The following GALK2 variants were observed in gnomAD, a reference collection of about 807,000 sequenced individuals.
GALK2 encodes galactokinase 2.
In GALK2, 36 loss-of-function variants were observed where a neutral mutation model predicts 52.4. The ratio of observed to expected loss-of-function variants is 0.69; its 90% CI spans 0.53 to 0.91. GALK2 has a LOEUF of 0.91. GALK2 is among the 40% of genes least tolerant of loss of function. The probability of loss-of-function intolerance (pLI) is 0.00; values close to 1 mark genes in which losing one functional copy is unlikely to be tolerated. For missense variants in GALK2, 579 were observed against 559.1 expected, an observed-to-expected ratio of 1.04 and a Z score of -0.36; for synonymous variants, 176 against 199.1, an observed-to-expected ratio of 0.88 and a Z score of 0.98.
intron 8 of GALK2, among the ~76,000 whole-genome samples, chr15:49,303,884 T>C (rs2035325870): frequency 6.6e-6 from 1 of 152,240 alleles, no homozygotes; most frequent in Non-Finnish European, 1.5e-5. Context: ...ATTTCTAAAC[T>C]TGTAAATATA....
intron 5 of GALK2, among the ~76,000 whole-genome samples, chr15:49,240,650 G>A (rs2091049801): frequency 1.3e-5 from 2 of 152,132 alleles, no homozygotes; most frequent in Admixed American, 1.3e-4. Flanking sequence ...GCATGTATTG[G>A]GTGGAGAGAA....
At chr15:49,224,896 G>A (rs2090041749) in intron 3 of GALK2, among the ~76,000 whole-genome samples, 1 of 152,178 alleles carries the variant, frequency 6.6e-6, no homozygotes. Flanking sequence ...CTTTCAGAGG[G>A]CCAAGGCTCT....
At chr15:49,285,292 C>T (rs1173753242) in intron 7 of GALK2, among the ~76,000 whole-genome samples, 1 of 152,144 alleles carries the variant, frequency 6.6e-6, no homozygotes, top group Non-Finnish European at 1.5e-5. Flanking sequence ...CAGTATACTT[C>T]ACTTCCTGTT....
At chr15:49,282,628 T>C (rs371501880) in intron 6 of GALK2, among the ~76,000 whole-genome samples, 14 of 152,194 alleles carry the variant, frequency 9.2e-5, no homozygotes, top group East Asian at 7.7e-4. Flanking sequence ...GGATACCGCT[T>C]CCCCTTGGCT....
At chr15:49,355,012 G>A (rs1042078961) in intron 3 of GALK2, among the ~76,000 whole-genome samples, 6 of 151,454 alleles carry the variant, frequency 4.0e-5, no homozygotes, top group African/African-American at 1.5e-4. Context: ...TACTCCAACA[G>A]ACCTGCAGCT....
Position 49,307,371 on chromosome 15 carries a change from G to A in GALK2, c.968-12233G>A, listed in dbSNP as rs528544114. On this transcript the variant is annotated intron_variant, in intron 8 of 9. Transcript: ENST00000560031. ...GCAATGGAAAAATACGCTAGATTTC[G>A]ATGCAATGAAATATTCACAAATGCC... is the stretch of plus-strand genomic sequence containing the variant. Among the ~76,000 whole-genome samples, 19 of 152,288 alleles carry A rather than the reference G, an allele frequency of 1.2e-4. 1 individual carries two copies. The South Asian group carries it at 3.5e-3, about 28-fold the overall frequency.
At chr15:49,258,829 T>TGTGTGTGTGAGA (rs1335491479) in intron 5 of GALK2, among the ~76,000 whole-genome samples, 63 of 124,078 alleles carry the variant, frequency 5.1e-4, no homozygotes, top group African/African-American at 1.9e-3. Flanking sequence ...TGTGTGTGTG[T>TGTGTGTGTGAGA]GAGAGAGAGA....
At chr15:49,282,163 C>T in intron 6 of GALK2, 78 bp downstream of exon 6, 1 of 999,956 alleles carries the variant, frequency 1.0e-6, no homozygotes, top group Non-Finnish European at 1.6e-6. Context: ...CCCTGAGAGC[C>T]CCAGGATGCT....
chr15:49,355,062 A>G (rs1204085082), intron 3 of GALK2, among the ~76,000 whole-genome samples: 2 of 150,932 alleles, frequency 1.3e-5, no homozygotes, highest in Admixed American at 6.6e-5. Context: ...ACAAACAGAA[A>G]GGACATCCAC....
At chr15:49,320,660 G>C (rs2036801357) in intron 9 of GALK2, among the ~76,000 whole-genome samples, 1 of 152,198 alleles carries the variant, frequency 6.6e-6, no homozygotes, top group Non-Finnish European at 1.5e-5. Context: ...TTTAAACCAA[G>C]TAACTCCAGT....
chr15:49,278,054 A>C (rs1022931250), intron 5 of GALK2, among the ~76,000 whole-genome samples: 6 of 151,878 alleles, frequency 4.0e-5, no homozygotes, highest in African/African-American at 1.5e-4. Context: ...CGAGGTCAGG[A>C]GATCAAGACC....
intron 7 of GALK2, 36 bp downstream of exon 7, chr15:49,283,754 G>T: frequency 1.2e-6 from 2 of 1,601,012 alleles, no homozygotes; most frequent in African/African-American, 2.7e-5. Flanking sequence ...CTTGAAGTAG[G>T]GTTTTTCTTG....
intron 3 of GALK2, among the ~76,000 whole-genome samples, chr15:49,229,349 G>A (rs1304221103): frequency 6.6e-6 from 1 of 152,160 alleles, no homozygotes. Flanking sequence ...TTGGACCCCT[G>A]GGTAGTTAGT....
chr15:49,329,213 A>G lies in GALK2; in HGVS notation c.*1054A>G. ...AGACTTAATGAATTCTGGGATTTGT[A>G]ATGGTATTGATGGGTATCTCTGTAT... On this transcript the variant is annotated 3_prime_UTR_variant, in exon 10 of 10. Coordinates refer to ENST00000560031, the MANE Select transcript of GALK2 (RefSeq NM_002044.4). 1 of 986,520 alleles carries G rather than the reference A, an allele frequency of 1.0e-6. No individual in the cohort carries two copies. Among genetic ancestry groups the G allele is most frequent in the Non-Finnish European group, 1.2e-6 (1 of 830,716 alleles). The allele number at this position is 986,520 out of a possible 1,614,324, so 61.1% of individuals were successfully genotyped here. A position where few individuals can be genotyped will look rare whatever the true frequency, so the allele number is the denominator to read the frequency against.
intron 1 of GALK2, among the ~76,000 whole-genome samples, chr15:49,189,509 A>G (rs1057429953): frequency 6.6e-6 from 1 of 152,188 alleles, no homozygotes; most frequent in Non-Finnish European, 1.5e-5. Flanking sequence ...AATACCTATG[A>G]TAAAGTTTAA....
At chr15:49,341,678 G>A (rs2040752083) in intron 3 of GALK2, among the ~76,000 whole-genome samples, 1 of 152,174 alleles carries the variant, frequency 6.6e-6, no homozygotes, top group Non-Finnish European at 1.5e-5. Flanking sequence ...TTTGAGGTAA[G>A]CATTAGTGCT....
chr15:49,318,584 TATTAG>T (rs1439492092), intron 8 of GALK2, among the ~76,000 whole-genome samples: 5 of 152,214 alleles, frequency 3.3e-5, no homozygotes, highest in African/African-American at 9.6e-5. Context: ...AGTCCTCTGT[TATTAG>T]ATATTTGTTT....
chr15:49,223,116 G>A (rs951926525), intron 3 of GALK2: 3 of 152,104 alleles, frequency 2.0e-5, no homozygotes, highest in African/African-American at 7.2e-5. Context: ...ATCTTGGTAT[G>A]TTGTGTGTTT....
At chr15:49,166,659 G>A (rs531221299), upstream of GALK2, among the ~76,000 whole-genome samples, 76 of 152,230 alleles carry the variant, frequency 5.0e-4, no homozygotes, top group African/African-American at 1.7e-3. Flanking sequence ...GCAGTGAGCC[G>A]AGATCGCGCC....
Sources: allele counts gnomAD v4.1 joint callset (sites outside exome capture counted in the v4.1 genomes callset), GRCh38; gene constraint gnomAD v4.1.1; transcripts MANE v1.5; gene names NCBI Gene and HGNC (gene_info 2026-07-23, HGNC 2026-07-21).